The following CHEK1 variants were observed in gnomAD, a reference collection of about 807,000 sequenced individuals.
CHEK1 encodes the protein serine/threonine-protein kinase Chk1.
Under a neutral mutation model 60.2 loss-of-function variants are expected in CHEK1, and 32 were observed. The observed-to-expected ratio is 0.53, with a 90% CI of 0.40 to 0.71. The LOEUF (loss-of-function observed/expected upper bound fraction) is 0.71. Among genes scored for constraint, CHEK1 ranks in the 30% least tolerant of loss-of-function variants. CHEK1 has a pLI of 0.00. For synonymous variants in CHEK1, 179 were observed against 187.2 expected (o/e 0.96, Z 0.36); for missense variants, 399 against 564.6 (o/e 0.71, Z 2.97).
At chr11:125,676,837 A>G (rs562474692), downstream of CHEK1, among the ~76,000 whole-genome samples, 1 of 152,288 alleles carries the variant, frequency 6.6e-6, no homozygotes, top group East Asian at 1.9e-4. Flanking sequence ...ACTCCCCATC[A>G]TACTCTCACC....
At chr11:125,626,035 G>A (rs566744433) in intron 1 of CHEK1, 23 bp downstream of exon 1, 1 of 693,116 alleles carries the variant, frequency 1.4e-6, no homozygotes, top group African/African-American at 1.7e-5. Context: ...GGCCGGTAGA[G>A]TAGGGAAGGT....
intron 8 of CHEK1, among the ~76,000 whole-genome samples, chr11:125,641,407 C>T (rs1161979448): frequency 6.6e-6 from 1 of 152,124 alleles, no homozygotes; most frequent in African/African-American, 2.4e-5. Context: ...GTTTTCTTCT[C>T]CACACTCACT....
At chr11:125,635,858 A>C (rs1941053663) in intron 7 of CHEK1, 1 of 164,688 alleles carries the variant, frequency 6.1e-6, no homozygotes, top group Non-Finnish European at 1.3e-5. Context: ...ATAGGGATGC[A>C]CTCTAACAAA....
At chr11:125,630,739 A>G (rs1429539850) in intron 5 of CHEK1, among the ~76,000 whole-genome samples, 2 of 152,234 alleles carry the variant, frequency 1.3e-5, no homozygotes, top group Non-Finnish European at 2.9e-5. Context: ...ATTCTTATGT[A>G]TTATAATGAA....
chr11:125,658,148 AGCCTTAGCCTTGCAG>A (rs1941952342), downstream of CHEK1, among the ~76,000 whole-genome samples: 1 of 152,140 alleles, frequency 6.6e-6, no homozygotes, highest in African/African-American at 2.4e-5. Context: ...GACTCACTGC[AGCCTTAGCCTTGCAG>A]GCTCAAGCAA....
chr11:125,627,430 A>G (rs898595542), intron 2 of CHEK1, among the ~76,000 whole-genome samples, 177 bp from the exon 3 acceptor site: 2 of 152,216 alleles, frequency 1.3e-5, no homozygotes, highest in African/African-American at 2.4e-5. Context: ...TAGCTATTGT[A>G]TTTCACATTT....
rs1463911220 is a variant in CHEK1 at position 125,633,325 on chromosome 11, T to C, written c.587T>C (p.Ile196Thr). ...CCAGTTGATGTTTGGTCCTGTGGAA[T>C]AGTACTTACTGCAATGCTCGCTGGA... ...AEPVDVWSCG[I>T]VLTAMLAGEL... Residue 196 changes from isoleucine to threonine, a missense_variant, in exon 6 of 13, where the codon ATA becomes ACA. Ile to Thr is a moderately conservative substitution (Grantham distance 89, BLOSUM62 -1). Around this residue, in one of 2 missense-constraint regions of CHEK1, gnomAD observed 370 missense variants for 494.8 expected, o/e 0.75. Coordinates refer to ENST00000438015, the MANE Select transcript of CHEK1 (RefSeq NM_001114122.3). The C allele has an allele frequency of 2.5e-6, 4 of 1,580,226 alleles. No homozygotes were observed. The highest frequency in any genetic ancestry group is 3.4e-6 in the Non-Finnish European group (4 of 1,169,622).
chr11:125,625,273 T>C lies in CHEK1; in HGVS notation c.-760T>C, dbSNP rs1476939095. On this transcript the variant is annotated 5_prime_UTR_variant, in exon 1 of 13. Coordinates refer to ENST00000438015, the MANE Select transcript of CHEK1 (RefSeq NM_001114122.3). ...ACCGGGCTGAAGTAAAGCATTGTTT[T>C]GGAGCTGGTTCACAGAAAAAAGGCA... 4 of 233,196 alleles carry C rather than the reference T, an allele frequency of 1.7e-5. No homozygotes were observed. The highest frequency in any genetic ancestry group is 3.4e-5 in the Non-Finnish European group (4 of 118,248). 14.4% of individuals were successfully genotyped at this position (233,196 alleles called of 1,614,324 possible).
At chr11:125,644,307 T>G (rs756074714) in intron 10 of CHEK1, 39 bp downstream of exon 10, 11 of 1,564,922 alleles carry the variant, frequency 7.0e-6, no homozygotes, top group Non-Finnish European at 9.5e-6. Flanking sequence ...TGGCAGCTCT[T>G]TATTTTTTAT....
intron 13 of CHEK1, among the ~76,000 whole-genome samples, chr11:125,669,149 T>C (rs1339774741): frequency 6.6e-6 from 1 of 152,194 alleles, no homozygotes; most frequent in Non-Finnish European, 1.5e-5. Context: ...GAACTGTTCA[T>C]TTCTCCCTGT....
At chr11:125,627,960 T>G (rs1940693200) in intron 3 of CHEK1, 130 bp downstream of exon 3, 1 of 671,676 alleles carries the variant, frequency 1.5e-6, no homozygotes, top group East Asian at 3.0e-5. Flanking sequence ...TACATTATCT[T>G]TAAAAAATTT....
At chr11:125,676,517 GA>G, downstream of CHEK1, 1 of 1,612,634 alleles carries the variant, frequency 6.2e-7, no homozygotes, top group South Asian at 1.1e-5. Context: ...TTTCCTTGTG[GA>G]CCAGATGTGT....
chr11:125,635,483 A>T lies in CHEK1; in HGVS notation c.668A>T (p.Glu223Val), dbSNP rs35817404. 2.5e-5 allele frequency: 40 copies of T among 1,601,920 alleles called. No homozygotes were observed. Among genetic ancestry groups the T allele is most frequent in the Non-Finnish European group, 3.4e-5 (40 of 1,173,690 alleles). Residue 223 changes from glutamate (E) to valine (V), a missense_variant, in exon 7 of 13, where the codon GAA becomes GTA. Transcript: ENST00000438015. ...DSCQEYSDWK[E>V]KKTYLNPWKK... ...TGTCAGGAGTATTCTGACTGGAAAG[A>T]AAAAAAAACATACCTCAACCCTTGG... is the stretch of plus-strand genomic sequence containing the variant.
intron 8 of CHEK1, among the ~76,000 whole-genome samples, chr11:125,639,250 C>T (rs925671776): frequency 1.6e-4 from 25 of 152,016 alleles, no homozygotes; most frequent in African/African-American, 6.0e-4. Flanking sequence ...GAAAAATACC[C>T]AAAAATGTTC....
chr11:125,648,762 C>T (rs536687704), intron 11 of CHEK1, among the ~76,000 whole-genome samples: 1 of 151,514 alleles, frequency 6.6e-6, no homozygotes, highest in East Asian at 1.9e-4. Flanking sequence ...GGTTAAGTTT[C>T]GAGTCTTTCA....
At chr11:125,646,688 A>G (rs1941521110) in intron 11 of CHEK1, among the ~76,000 whole-genome samples, 1 of 151,792 alleles carries the variant, frequency 6.6e-6, no homozygotes, top group Non-Finnish European at 1.5e-5. Flanking sequence ...GTCTTATCTC[A>G]TTTTGCTTTT....
intron 11 of CHEK1, among the ~76,000 whole-genome samples, chr11:125,648,070 C>A (rs1483617348): frequency 2.7e-5 from 4 of 148,524 alleles, no homozygotes; most frequent in African/African-American, 7.4e-5. Context: ...TTTCAGTGTT[C>A]AAGTCTTGCA....
At position 125,626,019 on chromosome 11, in the gene CHEK1, A is replaced by G. The variant is rs747452445; in HGVS notation, c.-21+7A>G. On this transcript the variant is annotated splice_region_variant and intron_variant, in intron 1 of 12. Coordinates refer to ENST00000438015, the MANE Select transcript of CHEK1 (RefSeq NM_001114122.3). ...GTGGGCAAAGGACAGTCCGGTGAGG[A>G]AGGGCGGCCGGTAGAGTAGGGAAGG... 2.9e-6 allele frequency: 2 copies of G among 696,466 alleles called. No homozygotes were observed. The highest frequency in any genetic ancestry group is 5.3e-6 in the Non-Finnish European group (2 of 379,838). 43.1% of individuals were successfully genotyped at this position (696,466 alleles called of 1,614,324 possible). A position where few individuals can be genotyped will look rare whatever the true frequency, so the allele number is the denominator to read the frequency against.
At chr11:125,626,241 G>A (rs1288294760) in intron 1 of CHEK1, 10 of 575,644 alleles carry the variant, frequency 1.7e-5, no homozygotes, top group Non-Finnish European at 3.1e-5. Flanking sequence ...GAACCCCAAG[G>A]AAGAGTCCCA....
Sources: gnomAD v4.1 joint callset for allele counts (sites outside exome capture counted in the v4.1 genomes callset) on GRCh38, gnomAD v4.1.1 for gene constraint, gnomAD v4.1.1 regional missense constraint, MANE v1.5 for transcripts, NCBI Gene and HGNC (gene_info 2026-07-23, HGNC 2026-07-21) for gene names.